Variants in STK10 observed in about 807,000 individuals in gnomAD.
The protein encoded by STK10 is serine/threonine-protein kinase 10.
STK10 carries 78 observed loss-of-function variants against 113.8 expected under a neutral mutation model. The ratio of observed to expected loss-of-function variants is 0.69; its 90% CI spans 0.57 to 0.83. STK10 has a LOEUF of 0.83. Among genes scored for constraint, STK10 ranks in the 40% least tolerant of loss-of-function variants. The pLI, the probability that STK10 is intolerant of heterozygous loss-of-function variation, is 0.00. For missense variants in STK10, 1,109 were observed against 1,280.1 expected (o/e 0.87, Z 2.04); for synonymous variants, 465 against 494.7 (o/e 0.94, Z 0.80).
chr5:172,177,261 A>G (rs544104915), intron 1 of STK10, among the ~76,000 whole-genome samples: 1 of 152,172 alleles, frequency 6.6e-6, no homozygotes, highest in Non-Finnish European at 1.5e-5. Context: ...CCATCTATGA[A>G]GCAGAGCAGG....
intron 2 of STK10, among the ~76,000 whole-genome samples, chr5:172,129,075 G>A (rs1038405563): frequency 3.3e-5 from 5 of 152,188 alleles, no homozygotes; most frequent in African/African-American, 7.2e-5. Context: ...GGTCACTTCC[G>A]TCCTCTGAGA....
chr5:172,176,490 G>A (rs577338995), intron 1 of STK10, among the ~76,000 whole-genome samples: 146 of 152,182 alleles, frequency 9.6e-4, no homozygotes, highest in African/African-American at 3.3e-3. Flanking sequence ...CACCAGGGTC[G>A]GTCACTCTGG....
intron 1 of STK10, among the ~76,000 whole-genome samples, chr5:172,161,482 G>A (rs1161273872): frequency 6.6e-6 from 1 of 151,934 alleles, no homozygotes; most frequent in Non-Finnish European, 1.5e-5. Context: ...ATACTGAGGA[G>A]TGGTGCAAGC....
At chr5:172,106,591 C>T (rs1338841234) in intron 6 of STK10, 29 bp downstream of exon 6, 5 of 1,599,088 alleles carry the variant, frequency 3.1e-6, no homozygotes, top group Non-Finnish European at 3.4e-6. Context: ...GCAGGCACCC[C>T]GGCAGGTGGC....
In STK10 at chr5:172,064,894, G is replaced by A. The variant is rs73801817; in HGVS notation, c.1990-82C>T. 1.6e-3 allele frequency: 2,413 copies of A among 1,487,654 alleles called. 29 individuals are homozygous for A. The African/African-American group carries it at 0.028, about 17-fold the overall frequency. The allele number at this position is 1,487,654 out of a possible 1,614,324, so 92.2% of individuals were successfully genotyped here. ...GTATAATCTTCAACGCAGAACCCCC[G>A]GGCCAGAGAAACCAAAGAAGAGGCT... On this transcript the variant is annotated intron_variant, in intron 12 of 18. Transcript: ENST00000176763.
chr5:172,052,697 G>A (rs1237869491), intron 18 of STK10, among the ~76,000 whole-genome samples: 2 of 152,306 alleles, frequency 1.3e-5, no homozygotes, highest in East Asian at 1.9e-4. Context: ...GGAGTCCTTC[G>A]GTCCATGAGA....
intron 2 of STK10, among the ~76,000 whole-genome samples, chr5:172,146,466 C>T (rs1252329681): frequency 1.3e-5 from 2 of 152,190 alleles, no homozygotes; most frequent in Non-Finnish European, 2.9e-5. Context: ...AAACGGAACA[C>T]AGCCCCACAG....
chr5:172,142,391 A>C (rs1397211019), intron 2 of STK10, among the ~76,000 whole-genome samples: 1 of 152,140 alleles, frequency 6.6e-6, no homozygotes, highest in Non-Finnish European at 1.5e-5. Flanking sequence ...CACCCTTCTA[A>C]GTAATGCGCA....
At chr5:172,119,352 T>C (rs1256472074) in intron 3 of STK10, among the ~76,000 whole-genome samples, 1 of 152,124 alleles carries the variant, frequency 6.6e-6, no homozygotes, top group East Asian at 1.9e-4. Flanking sequence ...TGCATTGTAT[T>C]TGAAATGCAG....
chr5:172,052,682 T>C (rs1767652589), intron 18 of STK10, among the ~76,000 whole-genome samples: 1 of 152,230 alleles, frequency 6.6e-6, no homozygotes, highest in South Asian at 2.1e-4. Flanking sequence ...TGTGGACACA[T>C]GGCAGGAGTC....
chr5:172,145,843 A>G (rs1371170959), intron 2 of STK10, among the ~76,000 whole-genome samples: 1 of 152,194 alleles, frequency 6.6e-6, no homozygotes, highest in Non-Finnish European at 1.5e-5. Flanking sequence ...TGAGTACAGC[A>G]CAGCCATTAG....
rs1768451284 is a variant in STK10, at chr5:172,082,332, C to G, written c.1983G>C (p.Lys661Asn). ...CCACTGAGCACATACTCACCTCTTT[C>G]TTCATCAGTTTGAGCTGCTCTTGGA... is the stretch of plus-strand genomic sequence containing the variant. The part of the protein sequence containing the change: ...TRFQEQLKLM[K>N]KEVKNEVEKL... Residue 661 changes from lysine to asparagine, a missense_variant, in exon 12 of 19, where the codon AAG becomes AAC. Physicochemically the swap from Lys to Asn is moderately conservative, Grantham distance 94. Coordinates refer to ENST00000176763, the MANE Select transcript of STK10 (RefSeq NM_005990.4). The surrounding 1 kb of genome is among the most constrained non-coding windows in gnomAD (Gnocchi z 4.3). 6.4e-7 allele frequency: 1 copy of G among 1,558,272 alleles called. No homozygotes were observed. The highest frequency in any genetic ancestry group is 1.4e-5 in the African/African-American group (1 of 72,326).
rs373415509 is a variant in STK10, at chr5:172,134,505, TA to T, written c.322-7085del. On this transcript the variant is annotated intron_variant, in intron 2 of 18. Transcript: ENST00000176763. Reference sequence around the variant, plus strand: ...GTGTCAAAGGGTATATGGGGGTTAGTAAAAGACCAGATGGACAAAAATGACA... The same window carrying T: ...GTGTCAAAGGGTATATGGGGGTTAGTAAAGACCAGATGGACAAAAATGACA... 4.4e-3 allele frequency among the ~76,000 whole-genome samples: 668 copies of T among 152,178 alleles called. 7 individuals carry two copies. Among genetic ancestry groups the T allele is most frequent in the African/African-American group, 0.015 (632 of 41,530 alleles).
At position 172,057,043 on chromosome 5, in the gene STK10, A is replaced by AAG. The variant is rs1321477671; in HGVS notation, c.2337+304_2337+305dup. On this transcript the variant is annotated intron_variant, in intron 15 of 18. Transcript: ENST00000176763. The stretch of plus-strand genomic sequence containing the variant: ...AAAGAAAGAAAGAAAGAAAGAAAGA[A>AAG]AGAAAGAAAAGAAGAAAGGGAAAAA... The AAG allele has an allele frequency of 2.6e-3, 536 of 204,632 alleles. 4 individuals carry two copies. The highest frequency in any genetic ancestry group is 0.012 in the African/African-American group (509 of 42,394). The allele number at this position is 204,632 out of a possible 1,614,324, so 12.7% of individuals were successfully genotyped here.
At position 172,180,953 on chromosome 5, in the gene STK10, A is replaced by T. The variant is rs1472018086; in HGVS notation, c.156+6934T>A. Reference sequence around the variant, plus strand: ...AGGGAGTGATTCTGCTATAATGCTAAGGTCGTATTTGGTTACATATAGAAA... The same window carrying T: ...AGGGAGTGATTCTGCTATAATGCTATGGTCGTATTTGGTTACATATAGAAA... On this transcript the variant is annotated intron_variant, in intron 1 of 18. Transcript: ENST00000176763. Among the ~76,000 whole-genome samples the T allele has an allele frequency of 2.6e-5, 4 of 152,246 alleles. No homozygotes were observed. The East Asian group carries it at 7.7e-4, about 29-fold the overall frequency.
chr5:172,098,990 C>T (rs528191504), intron 7 of STK10, among the ~76,000 whole-genome samples: 10 of 150,804 alleles, frequency 6.6e-5, no homozygotes, highest in African/African-American at 2.2e-4. Flanking sequence ...ATTACCATCA[C>T]CACCATCATT....
chr5:172,106,911 G>GAGTGCTGCCAACCCCGACA, intron 5 of STK10, 97 bp from the exon 6 acceptor site: 2 of 1,264,370 alleles, frequency 1.6e-6, no homozygotes, highest in Non-Finnish European at 2.2e-6. Context: ...CCACTGTCGG[G>GAGTGCTGCCAACCCCGACA]GTTGGCAGCA....
intron 7 of STK10, among the ~76,000 whole-genome samples, chr5:172,104,072 G>A (rs6886967): frequency 0.012 from 1,894 of 152,350 alleles, 43 homozygotes; most frequent in African/African-American, 0.042. Flanking sequence ...CAGGCCCAGT[G>A]CATGGCACAC....
In STK10 at chr5:172,057,740, G is replaced by A. The variant is rs1581133942; in HGVS notation, c.2213-267C>T. ...AAAGTCAGGAGCCACAGAAACTGCA[G>A]CTATAGGCTGGAACCCAGCTCCATC... is the stretch of plus-strand genomic sequence containing the variant. On this transcript the variant is annotated intron_variant, in intron 14 of 18. Coordinates refer to ENST00000176763, the MANE Select transcript of STK10 (RefSeq NM_005990.4). Among the ~76,000 whole-genome samples, 3 of 152,218 alleles carry A rather than the reference G, an allele frequency of 2.0e-5. No individual in the cohort carries two copies. The East Asian group carries it at 5.8e-4, about 29-fold the overall frequency.
Sources: allele counts gnomAD v4.1 joint callset (sites outside exome capture counted in the v4.1 genomes callset), GRCh38; gene constraint gnomAD v4.1.1; non-coding constraint Gnocchi (gnomAD v3.1); transcripts MANE v1.5; gene names NCBI Gene and HGNC (gene_info 2026-07-23, HGNC 2026-07-21).